NALF1: variants seen among roughly 807,000 people sequenced by gnomAD.
NALF1 encodes the protein NALCN channel auxiliary factor 1.
Under a neutral mutation model 48.4 loss-of-function variants are expected in NALF1, and 3 were observed. The ratio of observed to expected loss-of-function variants is 0.06; its 90% CI spans 0.03 to 0.16. NALF1 has a LOEUF of 0.16. Ranked by LOEUF, NALF1 falls within the 10% of genes least tolerant of loss-of-function variation. The probability of loss-of-function intolerance (pLI) is 1.00; values close to 1 mark genes in which losing one functional copy is unlikely to be tolerated. For missense variants in NALF1, 526 were observed against 571.5 expected, an observed-to-expected ratio of 0.92 and a Z score of 0.81; for synonymous variants, 262 against 245.7, an observed-to-expected ratio of 1.07 and a Z score of -0.62.
intron 1 of NALF1, among the ~76,000 whole-genome samples, chr13:107,642,530 C>A (rs1029904442): frequency 4.6e-5 from 7 of 152,194 alleles, no homozygotes; most frequent in Non-Finnish European, 8.8e-5. Flanking sequence ...TTATTCACAA[C>A]AATCAATTCT....
At chr13:107,557,671 C>T (rs537997728) in intron 1 of NALF1, among the ~76,000 whole-genome samples, 3 of 152,118 alleles carry the variant, frequency 2.0e-5, no homozygotes, top group African/African-American at 7.2e-5. Flanking sequence ...GAAGAAAACA[C>T]ATTTTGTGGA....
chr13:107,177,927 A>G (rs1379186207), intron 2 of NALF1, among the ~76,000 whole-genome samples: 1 of 152,184 alleles, frequency 6.6e-6, no homozygotes, highest in Non-Finnish European at 1.5e-5. Flanking sequence ...GCAAGCCTGT[A>G]ATCCCAGCTA....
intron 1 of NALF1, among the ~76,000 whole-genome samples, chr13:107,291,871 C>T (rs911442609): frequency 6.6e-6 from 1 of 152,032 alleles, no homozygotes; most frequent in Non-Finnish European, 1.5e-5. Context: ...AGTACATATT[C>T]CAAACTGATT....
chr13:107,567,166 TA>T (rs2138398269), intron 1 of NALF1, among the ~76,000 whole-genome samples: 1 of 152,304 alleles, frequency 6.6e-6, no homozygotes, highest in South Asian at 2.1e-4. Context: ...AATTATTTTT[TA>T]AAAACTCAGT....
At chr13:107,694,471 T>A (rs1881652459) in intron 1 of NALF1, among the ~76,000 whole-genome samples, 1 of 152,178 alleles carries the variant, frequency 6.6e-6, no homozygotes, top group Admixed American at 6.5e-5. Flanking sequence ...TGCATAGGAA[T>A]GAATTATTGA....
intron 1 of NALF1, among the ~76,000 whole-genome samples, chr13:107,307,487 A>ATT (rs550440207): frequency 2.0e-5 from 3 of 148,584 alleles, no homozygotes; most frequent in African/African-American, 4.9e-5. Context: ...TTTTATTTTT[A>ATT]TTTTTTTTTT....
At chr13:107,254,928 T>C (rs1880782962) in intron 1 of NALF1, among the ~76,000 whole-genome samples, 1 of 152,220 alleles carries the variant, frequency 6.6e-6, no homozygotes, top group African/African-American at 2.4e-5. Flanking sequence ...ACTGAACCTA[T>C]GGAAGGCCAT....
At chr13:107,567,094 T>C (rs928420454) in intron 1 of NALF1, among the ~76,000 whole-genome samples, 1 of 152,204 alleles carries the variant, frequency 6.6e-6, no homozygotes, top group Non-Finnish European at 1.5e-5. Context: ...CTGAAATAAC[T>C]GTCTTCAACA....
chr13:107,609,473 C>T (rs1050813904), intron 1 of NALF1, among the ~76,000 whole-genome samples: 1 of 152,212 alleles, frequency 6.6e-6, no homozygotes, highest in Non-Finnish European at 1.5e-5. Flanking sequence ...GCCTCTGCTC[C>T]TGCTCTCAAG....
chr13:107,227,069 G>C (rs966030320), intron 1 of NALF1, among the ~76,000 whole-genome samples: 61 of 152,194 alleles, frequency 4.0e-4, no homozygotes, highest in African/African-American at 1.4e-3. Context: ...GAAAAGTATA[G>C]ACTGAGCAAT....
At chr13:107,375,059 C>T (rs1184164809) in intron 1 of NALF1, among the ~76,000 whole-genome samples, 1 of 151,982 alleles carries the variant, frequency 6.6e-6, no homozygotes, top group Non-Finnish European at 1.5e-5. Context: ...TTATATTTTC[C>T]CTAGTTTTAT....
chr13:107,326,912 C>A lies in NALF1; in HGVS notation c.916-116157G>T, dbSNP rs375509382. ...AGAGGATTCCCTCACATGATCCAGC[C>A]AGGCTAGCCAGATCCTGGTCTCCAC... On this transcript the variant is annotated intron_variant, in intron 1 of 2. Transcript: ENST00000375915. 1.1e-4 allele frequency among the ~76,000 whole-genome samples: 16 copies of A among 147,988 alleles called. No homozygotes were observed. In the East Asian group the frequency reaches 3.3e-3, roughly 30 times the overall value.
chr13:107,476,347 G>C (rs1450247263), intron 1 of NALF1, among the ~76,000 whole-genome samples: 1 of 152,050 alleles, frequency 6.6e-6, no homozygotes, highest in Non-Finnish European at 1.5e-5. Flanking sequence ...TAGAATTTCT[G>C]ATTTCCCTTA....
intron 1 of NALF1, among the ~76,000 whole-genome samples, chr13:107,719,879 T>C (rs1875932835): frequency 6.6e-6 from 1 of 152,192 alleles, no homozygotes; most frequent in Non-Finnish European, 1.5e-5. Flanking sequence ...ATTGCAAATA[T>C]GACTGCATGG....
intron 1 of NALF1, among the ~76,000 whole-genome samples, chr13:107,484,270 A>T (rs995150124): frequency 6.6e-6 from 1 of 152,194 alleles, no homozygotes; most frequent in Non-Finnish European, 1.5e-5. Flanking sequence ...TCTGTATTCA[A>T]TATGAAATTG....
At chr13:107,202,350 T>C (rs1043658635) in intron 2 of NALF1, among the ~76,000 whole-genome samples, 3 of 149,634 alleles carry the variant, frequency 2.0e-5, no homozygotes, top group South Asian at 4.2e-4. Context: ...GTATAAATTA[T>C]ATAAATATAT....
intron 2 of NALF1, among the ~76,000 whole-genome samples, chr13:107,194,980 TA>T (rs1879360661): frequency 6.6e-6 from 1 of 152,192 alleles, no homozygotes; most frequent in African/African-American, 2.4e-5. Context: ...TCAACATCAC[TA>T]ATCATCAGGG....
At chr13:107,360,644 A>T (rs1200914699) in intron 1 of NALF1, among the ~76,000 whole-genome samples, 1 of 152,182 alleles carries the variant, frequency 6.6e-6, no homozygotes, top group Non-Finnish European at 1.5e-5. Flanking sequence ...AACCGACATT[A>T]TATTAATATA....
At chr13:107,226,131 G>C (rs536276587) in intron 1 of NALF1, among the ~76,000 whole-genome samples, 6 of 152,028 alleles carry the variant, frequency 3.9e-5, no homozygotes, top group African/African-American at 9.6e-5. Context: ...ATGTTCCTGG[G>C]GTTTAAACAC....
Sources: gnomAD v4.1 joint callset for allele counts (sites outside exome capture counted in the v4.1 genomes callset) on GRCh38, gnomAD v4.1.1 for gene constraint, MANE v1.5 for transcripts, NCBI Gene and HGNC (gene_info 2026-07-23, HGNC 2026-07-21) for gene names.